OXR1: variants seen among roughly 807,000 people sequenced by gnomAD.
OXR1 encodes oxidation resistance protein 1.
In OXR1, 41 loss-of-function variants were observed where a neutral mutation model predicts 104.6. The ratio of observed to expected loss-of-function variants is 0.39; its 90% CI spans 0.31 to 0.51. The LOEUF (loss-of-function observed/expected upper bound fraction) is 0.51. OXR1 is among the 20% of genes least tolerant of loss of function. The probability of loss-of-function intolerance (pLI) is 0.77; values close to 1 mark genes in which losing one functional copy is unlikely to be tolerated. For missense variants in OXR1, 955 were observed against 1,031.9 expected (o/e 0.93, Z 1.02); for synonymous variants, 348 against 348.4 (o/e 1.00, Z 0.01).
At chr8:106,479,059 C>G (rs1821960802) in intron 2 of OXR1, among the ~76,000 whole-genome samples, 1 of 151,938 alleles carries the variant, frequency 6.6e-6, no homozygotes, top group Non-Finnish European at 1.5e-5. Context: ...AAAAGTGTGA[C>G]TTCCTCAGAG....
intron 7 of OXR1, among the ~76,000 whole-genome samples, chr8:106,694,802 A>G (rs57734136): frequency 0.084 from 9,520 of 113,998 alleles, 995 homozygotes; most frequent in East Asian, 0.26. Context: ...AGATAAATAC[A>G]TATATATTTA....
intron 1 of OXR1, among the ~76,000 whole-genome samples, chr8:106,312,293 G>A (rs1813738220): frequency 6.6e-6 from 1 of 152,118 alleles, no homozygotes; most frequent in Non-Finnish European, 1.5e-5. Flanking sequence ...TCAGCCCAAG[G>A]CCAGCTTCAG....
chr8:106,402,712 C>G (rs963235738), intron 2 of OXR1, among the ~76,000 whole-genome samples: 2 of 152,154 alleles, frequency 1.3e-5, no homozygotes, highest in Admixed American at 6.5e-5. Flanking sequence ...TTTGGAAAAG[C>G]CTGGGAAAAA....
At chr8:106,366,243 T>G (rs368563737) in intron 2 of OXR1, among the ~76,000 whole-genome samples, 4 of 152,328 alleles carry the variant, frequency 2.6e-5, no homozygotes, top group African/African-American at 9.6e-5. Context: ...ATAAGACTTT[T>G]CATCATTCTC....
chr8:106,364,351 G>A (rs930900196), intron 2 of OXR1, among the ~76,000 whole-genome samples: 4 of 152,080 alleles, frequency 2.6e-5, no homozygotes, highest in Admixed American at 6.5e-5. Context: ...AGGCCGAGGC[G>A]GGTGGATCAC....
At position 106,371,031 on chromosome 8, in the gene OXR1, C is replaced by CT. The variant is rs35729471; in HGVS notation, c.23+11406dup. ...AGCTGTGAATTCGTCTGGTCCTGGG[C>CT]TTTTTTTTTTTGGTTGGTAGGCTAT... On this transcript the variant is annotated intron_variant, in intron 2 of 16. Coordinates refer to ENST00000517566, the MANE Select transcript of OXR1 (RefSeq NM_001198533.2). Among the ~76,000 whole-genome samples the CT allele has an allele frequency of 5.0e-3, 709 of 141,848 alleles. 7 individuals carry two copies. Among genetic ancestry groups the CT allele is most frequent in the African/African-American group, 0.015 (583 of 39,000 alleles). The allele number at this position is 141,848 out of a possible 152,430, so 93.1% of individuals were successfully genotyped here.
At chr8:106,715,417 C>G (rs971033289) in intron 11 of OXR1, among the ~76,000 whole-genome samples, 3 of 146,862 alleles carry the variant, frequency 2.0e-5, no homozygotes, top group African/African-American at 5.0e-5. Context: ...ATATATAATA[C>G]GTATATAATA....
chr8:106,382,350 T>A (rs988356082), intron 2 of OXR1, among the ~76,000 whole-genome samples: 5 of 152,194 alleles, frequency 3.3e-5, no homozygotes, highest in African/African-American at 9.7e-5. Flanking sequence ...AGCATCCTGA[T>A]TTAAAGGTAT....
rs1563572670 is a variant in OXR1, at chr8:106,512,612, G to A, written c.24-6331G>A. 2.0e-5 allele frequency among the ~76,000 whole-genome samples: 3 copies of A among 152,284 alleles called. No individual in the cohort carries two copies. In the South Asian group the frequency reaches 6.2e-4, roughly 32 times the overall value. ...TTATGCGTTTCAGTCATATCATGATGTAGTTTAGGCTCAAGGTAGAGTTGT... is the reference window on the plus strand; with the variant it reads ...TTATGCGTTTCAGTCATATCATGATATAGTTTAGGCTCAAGGTAGAGTTGT... On this transcript the variant is annotated intron_variant, in intron 2 of 16. Transcript: ENST00000517566.
intron 14 of OXR1, among the ~76,000 whole-genome samples, chr8:106,741,897 C>T (rs1387133170): frequency 6.6e-6 from 1 of 152,102 alleles, no homozygotes; most frequent in Non-Finnish European, 1.5e-5. Flanking sequence ...TCATGTTATC[C>T]ATATCATACA....
intron 7 of OXR1, among the ~76,000 whole-genome samples, chr8:106,702,352 A>G (rs770234856): frequency 3.9e-5 from 6 of 152,202 alleles, no homozygotes; most frequent in Non-Finnish European, 7.4e-5. Context: ...GATGTCATAT[A>G]ATCTACTTAA....
At chr8:106,705,914 A>G (rs769699272) in intron 8 of OXR1, among the ~76,000 whole-genome samples, 8 of 151,542 alleles carry the variant, frequency 5.3e-5, no homozygotes, top group Non-Finnish European at 1.2e-4. Context: ...TTTAAGCTCT[A>G]TTTGAATGTA....
intron 7 of OXR1, among the ~76,000 whole-genome samples, chr8:106,700,042 T>C (rs1830447962): frequency 6.6e-6 from 1 of 152,162 alleles, no homozygotes; most frequent in Non-Finnish European, 1.5e-5. Flanking sequence ...AGATAGACTT[T>C]ATTTTTTTTA....
intron 2 of OXR1, among the ~76,000 whole-genome samples, chr8:106,441,627 T>C (rs1479792871): frequency 6.6e-6 from 1 of 152,190 alleles, no homozygotes; most frequent in Non-Finnish European, 1.5e-5. Flanking sequence ...GAAGAGGTCC[T>C]TCACATCCCT....
chr8:106,383,226 A>G (rs961319953), intron 2 of OXR1, among the ~76,000 whole-genome samples: 2 of 152,168 alleles, frequency 1.3e-5, no homozygotes, highest in Non-Finnish European at 2.9e-5. Flanking sequence ...GTTAATCAGT[A>G]TTTTAATTAG....
intron 2 of OXR1, among the ~76,000 whole-genome samples, chr8:106,380,132 A>T (rs970559041): frequency 6.6e-6 from 1 of 151,876 alleles, no homozygotes; most frequent in East Asian, 1.9e-4. Context: ...CCCTTCTCCC[A>T]GTCCTAAACA....
chr8:106,393,214 C>T (rs184520932), intron 2 of OXR1, among the ~76,000 whole-genome samples: 8 of 152,184 alleles, frequency 5.3e-5, no homozygotes, highest in Non-Finnish European at 7.4e-5. Context: ...GCAGTATGGG[C>T]GAATATTAGC....
At chr8:106,276,177 T>C (rs1454070261) in intron 1 of OXR1, among the ~76,000 whole-genome samples, 1 of 152,220 alleles carries the variant, frequency 6.6e-6, no homozygotes, top group Non-Finnish European at 1.5e-5. Flanking sequence ...CTGTTTGTCA[T>C]TGGGGGCACA....
chr8:106,345,646 C>T (rs1815446785), intron 1 of OXR1, among the ~76,000 whole-genome samples: 1 of 151,984 alleles, frequency 6.6e-6, no homozygotes. Flanking sequence ...CTAGAAAATC[C>T]CATGTATTAA....
Sources: allele counts gnomAD v4.1 joint callset (sites outside exome capture counted in the v4.1 genomes callset), GRCh38; gene constraint gnomAD v4.1.1; transcripts MANE v1.5; gene names NCBI Gene and HGNC (gene_info 2026-07-23, HGNC 2026-07-21).